Variants in RPL22 observed in about 807,000 individuals in gnomAD.
RPL22 encodes the protein large ribosomal subunit protein eL22.
In RPL22, 4 loss-of-function variants were observed where a neutral mutation model predicts 16.2. The observed-to-expected ratio is 0.25, with a 90% CI of 0.12 to 0.57. RPL22 has a LOEUF of 0.57. Ranked by LOEUF, RPL22 falls within the 20% of genes least tolerant of loss-of-function variation. The pLI is 0.92. For synonymous variants in RPL22, 43 were observed against 54.8 expected (o/e 0.78, Z 0.95); for missense variants, 83 against 156.1 (o/e 0.53, Z 2.49).
chr1:6,185,056 G>T lies in RPL22; in HGVS notation c.*1616C>A, dbSNP rs1310990921. The T allele has an allele frequency of 2.9e-6, 1 of 348,320 alleles. No individual in the cohort carries two copies. Among genetic ancestry groups the T allele is most frequent in the Non-Finnish European group, 5.1e-6 (1 of 195,204 alleles). The allele number at this position is 348,320 out of a possible 1,614,324, so 21.6% of individuals were successfully genotyped here. On this transcript the variant is annotated 3_prime_UTR_variant, in exon 4 of 4. Coordinates refer to ENST00000234875, the MANE Select transcript of RPL22 (RefSeq NM_000983.4). ...TAGCCAGGTGTTAGCCACTTTAATA[G>T]AAAATATGATCAAAACTCGATTACA...
At chr1:6,192,836 CCAAT>C in intron 3 of RPL22, 90 bp downstream of exon 3, 1 of 1,475,616 alleles carries the variant, frequency 6.8e-7, no homozygotes. Flanking sequence ...CAGATGCAAA[CCAAT>C]CACTCTGCGG....
At chr1:6,197,586 T>G in intron 2 of RPL22, 66 bp downstream of exon 2, 2 of 1,024,106 alleles carry the variant, frequency 2.0e-6, no homozygotes, top group Non-Finnish European at 3.1e-6. Flanking sequence ...TGTACCCCAG[T>G]AGGTTTTCTC....
intron 3 of RPL22, among the ~76,000 whole-genome samples, chr1:6,189,771 A>G (rs1384166722): frequency 6.6e-6 from 1 of 152,042 alleles, no homozygotes; most frequent in East Asian, 1.9e-4. Context: ...AATACAAAAA[A>G]TTAACCGGGC....
chr1:6,195,369 T>TGGGAGGCGGAGCTTGCA, intron 2 of RPL22, among the ~76,000 whole-genome samples: 1 of 141,716 alleles, frequency 7.1e-6, no homozygotes, highest in East Asian at 2.1e-4. Flanking sequence ...GGCATGAACA[T>TGGGAGGCGGAGCTTGCA]GGGAGGCGGA....
rs866301178 is a variant in RPL22 at position 6,191,439 on chromosome 1, G to A, written c.242+1491C>T. 2.1e-4 allele frequency among the ~76,000 whole-genome samples: 31 copies of A among 148,368 alleles called. No homozygotes were observed. The South Asian group carries it at 5.8e-3, about 28-fold the overall frequency. ...TCCCAGCACTCTGGGAGGCCGAGGC[G>A]GGCGGATCACGAGGTCAGGAGATCG... On this transcript the variant is annotated intron_variant, in intron 3 of 3. Transcript: ENST00000234875.
Position 6,185,534 on chromosome 1 carries a change from C to G in RPL22, c.*1138G>C, listed in dbSNP as rs1039929896. ...GTAGGACTGAGCATTGAACTTCCAG[C>G]TATGCAACTCGCAGGGCACAATTTC... On this transcript the variant is annotated 3_prime_UTR_variant, in exon 4 of 4. Transcript: ENST00000234875. 92 of 396,078 alleles carry G rather than the reference C, an allele frequency of 2.3e-4. 1 individual carries two copies. Among genetic ancestry groups the G allele is most frequent in the Non-Finnish European group, 3.1e-4 (70 of 224,800 alleles). The allele number at this position is 396,078 out of a possible 1,614,324, so 24.5% of individuals were successfully genotyped here.
intron 2 of RPL22, among the ~76,000 whole-genome samples, chr1:6,194,244 C>G (rs1328348274): frequency 1.3e-5 from 2 of 152,132 alleles, no homozygotes; most frequent in Non-Finnish European, 2.9e-5. Context: ...AAGGTACATG[C>G]AACCAAAGCT....
Position 6,186,879 on chromosome 1 carries a change from A to G in RPL22, c.243-63T>C, listed in dbSNP as rs1667587796. The G allele has an allele frequency of 1.9e-6, 3 of 1,593,264 alleles. No individual in the cohort carries two copies. In the East Asian group the frequency reaches 6.7e-5, roughly 36 times the overall value. On this transcript the variant is annotated intron_variant, in intron 3 of 3. Transcript: ENST00000234875. Reference sequence around the variant, plus strand: ...GGTGCTTGCATTCTAAAACATTTTAACATTTATAAAACCCAGCACTCAAAA... The same window carrying G: ...GGTGCTTGCATTCTAAAACATTTTAGCATTTATAAAACCCAGCACTCAAAA...
At position 6,193,059 on chromosome 1, in the gene RPL22, A is replaced by G; in HGVS notation, c.118-5T>C. ...CCTTTCTTGCAAAAACTGCTCCTGT[A>G]GAAATCATTAAATTGACCAATGAAG... On this transcript the variant is annotated splice_region_variant and splice_polypyrimidine_tract_variant and intron_variant, in intron 2 of 3. Transcript: ENST00000234875. 6.2e-7 allele frequency: 1 copy of G among 1,614,074 alleles called. No individual in the cohort carries two copies. Among genetic ancestry groups the G allele is most frequent in the Non-Finnish European group, 8.5e-7 (1 of 1,180,002 alleles).
chr1:6,194,542 C>A (rs1158418003), intron 2 of RPL22, among the ~76,000 whole-genome samples: 1 of 152,164 alleles, frequency 6.6e-6, no homozygotes, highest in Admixed American at 6.5e-5. Context: ...GACATGAAGT[C>A]CCTTTCAGCT....
rs1435781116 is a variant in RPL22, at chr1:6,186,087, C to T, written c.*585G>A. The T allele has an allele frequency of 1.3e-5, 3 of 231,860 alleles. No individual in the cohort carries two copies. Among genetic ancestry groups the T allele is most frequent in the Non-Finnish European group, 2.6e-5 (3 of 117,258 alleles). The allele number at this position is 231,860 out of a possible 1,614,324, so 14.4% of individuals were successfully genotyped here. A position where few individuals can be genotyped will look rare whatever the true frequency, so the allele number is the denominator to read the frequency against. Reference sequence around the variant, plus strand: ...ATTTAGAACCTGGGACTTTTACAATCGATTCCCCAAACCCCTTTATGGCAG... The same window carrying T: ...ATTTAGAACCTGGGACTTTTACAATTGATTCCCCAAACCCCTTTATGGCAG... On this transcript the variant is annotated 3_prime_UTR_variant, in exon 4 of 4. Transcript: ENST00000234875.
At position 6,185,229 on chromosome 1, in the gene RPL22, G is replaced by A. The variant is rs1411027336; in HGVS notation, c.*1443C>T. On this transcript the variant is annotated 3_prime_UTR_variant, in exon 4 of 4. Coordinates refer to ENST00000234875, the MANE Select transcript of RPL22 (RefSeq NM_000983.4). Reference sequence around the variant, plus strand: ...CCAAACTAAAAATGACTTACTACATGGGAACATCAATGCAACAAGTAGAAT... The same window carrying A: ...CCAAACTAAAAATGACTTACTACATAGGAACATCAATGCAACAAGTAGAAT... 1 of 398,344 alleles carries A rather than the reference G, an allele frequency of 2.5e-6. No homozygotes were observed. Among genetic ancestry groups the A allele is most frequent in the Non-Finnish European group, 4.4e-6 (1 of 225,896 alleles). The allele number at this position is 398,344 out of a possible 1,614,324, so 24.7% of individuals were successfully genotyped here.
intron 3 of RPL22, 94 bp from the exon 4 acceptor site, chr1:6,186,910 A>T: frequency 1.3e-6 from 2 of 1,562,838 alleles, no homozygotes; most frequent in Non-Finnish European, 1.7e-6. Context: ...CAAAATCATT[A>T]CAATTCAAGG....
intron 3 of RPL22, among the ~76,000 whole-genome samples, chr1:6,190,804 A>G (rs958294666): frequency 6.6e-6 from 1 of 152,266 alleles, no homozygotes; most frequent in Non-Finnish European, 1.5e-5. Flanking sequence ...TAATGTCTCC[A>G]TTTTGAAATG....
Position 6,185,898 on chromosome 1 carries a change from C to T in RPL22, c.*774G>A. Reference sequence around the variant, plus strand: ...TCGTGTCCCCTCTTTCAAGAACCTCCAGAGCTCTTGGCATCAGGGGCCCCC... The same window carrying T: ...TCGTGTCCCCTCTTTCAAGAACCTCTAGAGCTCTTGGCATCAGGGGCCCCC... On this transcript the variant is annotated 3_prime_UTR_variant, in exon 4 of 4. Coordinates refer to ENST00000234875, the MANE Select transcript of RPL22 (RefSeq NM_000983.4). 1 of 230,692 alleles carries T rather than the reference C, an allele frequency of 4.3e-6. No individual in the cohort carries two copies. Among genetic ancestry groups the T allele is most frequent in the Non-Finnish European group, 8.6e-6 (1 of 116,448 alleles). 14.3% of individuals were successfully genotyped at this position (230,692 alleles called of 1,614,324 possible). A position where few individuals can be genotyped will look rare whatever the true frequency, so the allele number is the denominator to read the frequency against.
chr1:6,190,302 C>T (rs541124345), intron 3 of RPL22, among the ~76,000 whole-genome samples: 1 of 152,350 alleles, frequency 6.6e-6, no homozygotes, highest in Non-Finnish European at 1.5e-5. Flanking sequence ...CATAGCTAAA[C>T]ATAAAAGCAT....
intron 3 of RPL22, among the ~76,000 whole-genome samples, chr1:6,189,112 C>T (rs1254661374): frequency 6.6e-6 from 1 of 151,992 alleles, no homozygotes; most frequent in African/African-American, 2.4e-5. Context: ...TCACAGGACC[C>T]AAATGTCATG....
chr1:6,191,892 G>C (rs1050899742), intron 3 of RPL22, among the ~76,000 whole-genome samples: 2 of 151,164 alleles, frequency 1.3e-5, no homozygotes, highest in Non-Finnish European at 2.9e-5. Context: ...CCAAAAACTC[G>C]GGAAGCTGAG....
chr1:6,193,524 C>T (rs796213740), intron 2 of RPL22, among the ~76,000 whole-genome samples: 2 of 152,022 alleles, frequency 1.3e-5, no homozygotes, highest in Admixed American at 6.6e-5. Flanking sequence ...GGTTTCTCCA[C>T]GTTGGTCATG....
Sources: allele counts gnomAD v4.1 joint callset (sites outside exome capture counted in the v4.1 genomes callset), GRCh38; gene constraint gnomAD v4.1.1; transcripts MANE v1.5; gene names NCBI Gene and HGNC (gene_info 2026-07-23, HGNC 2026-07-21).